The following HNRNPUL2 variants were observed in gnomAD, a reference collection of about 807,000 sequenced individuals.
The protein encoded by HNRNPUL2 is heterogeneous nuclear ribonucleoprotein U-like protein 2.
A neutral mutation model predicts 102.2 loss-of-function variants in HNRNPUL2; 27 were observed. That is an observed-to-expected ratio of 0.26 (90% CI 0.19 to 0.36). The LOEUF is 0.36. Ranked by LOEUF, HNRNPUL2 falls within the 10% of genes least tolerant of loss-of-function variation. The pLI, the probability that HNRNPUL2 is intolerant of heterozygous loss-of-function variation, is 1.00. For synonymous variants in HNRNPUL2, 458 were observed against 387.2 expected (o/e 1.18, Z -2.15); for missense variants, 936 against 981.1 (o/e 0.95, Z 0.61).
intron 8 of HNRNPUL2, 113 bp downstream of exon 8, chr11:62,721,707 T>C (rs1160043102): frequency 2.3e-6 from 3 of 1,276,994 alleles, no homozygotes; most frequent in Non-Finnish European, 3.3e-6. Flanking sequence ...AAAAATCTCA[T>C]TTCTCTATTT....
At chr11:62,722,945 C>A (rs368429184) in intron 4 of HNRNPUL2, 42 bp from the exon 5 acceptor site, 13 of 1,490,098 alleles carry the variant, frequency 8.7e-6, no homozygotes, top group East Asian at 2.3e-5. Flanking sequence ...TTGTGACCAA[C>A]TGAGTAGCAA....
rs535152997 is a variant in HNRNPUL2, at chr11:62,713,443, T to A, written c.*1856A>T. 1 of 152,320 alleles carries A rather than the reference T, an allele frequency of 6.6e-6. No homozygotes were observed. The highest frequency in any genetic ancestry group is 1.9e-4 in the East Asian group (1 of 5,190). 9.4% of individuals were successfully genotyped at this position (152,320 alleles called of 1,614,324 possible). On this transcript the variant is annotated 3_prime_UTR_variant, in exon 14 of 14. Transcript: ENST00000301785. Reference sequence around the variant, plus strand: ...AGTTAATGTGTTACAGAAAAATTCATGCAATCACTCCACTGCCACACAGAA... The same window carrying A: ...AGTTAATGTGTTACAGAAAAATTCAAGCAATCACTCCACTGCCACACAGAA...
chr11:62,719,245 T>G (rs1014492901), intron 10 of HNRNPUL2, among the ~76,000 whole-genome samples: 6 of 151,662 alleles, frequency 4.0e-5, no homozygotes, highest in African/African-American at 1.5e-4. Flanking sequence ...AAGTCAGGAG[T>G]TCCAAGACCA....
intron 11 of HNRNPUL2, 54 bp downstream of exon 11, chr11:62,716,935 A>G (rs926121841): frequency 2.5e-6 from 4 of 1,595,786 alleles, no homozygotes; most frequent in Non-Finnish European, 3.4e-6. Context: ...ATCTTGCTGT[A>G]CTAAGCACAA....
At chr11:62,716,869 A>G (rs2083664154) in intron 11 of HNRNPUL2, 120 bp downstream of exon 11, 2 of 882,096 alleles carry the variant, frequency 2.3e-6, no homozygotes, top group African/African-American at 1.7e-5. Context: ...CTCCATGAAG[A>G]AGGCACTTCC....
intron 1 of HNRNPUL2, among the ~76,000 whole-genome samples, chr11:62,725,664 AT>A (rs1331925420): frequency 6.6e-6 from 1 of 152,226 alleles, no homozygotes; most frequent in East Asian, 1.9e-4. Flanking sequence ...GCCTAAAAAT[AT>A]TACTAACAAA....
Position 62,723,943 on chromosome 11 carries a change from T to A in HNRNPUL2, c.722A>T (p.Glu241Val). Residue 241 changes from glutamate to valine, a missense_variant, in exon 3 of 14, where the codon GAG (glutamate) becomes GTG (valine). This residue lies in a region of HNRNPUL2 where 609 missense variants were observed against 713.0 expected (regional missense o/e 0.85). Coordinates refer to ENST00000301785, the MANE Select transcript of HNRNPUL2 (RefSeq NM_001079559.3). ...PPEEEAKDEE[E>V]DQTLVNLDTY... ...GTCCAGGTTCACAAGAGTTTGATCC[T>A]CCTCCTCATCTTTTGCCTCTTCTTC... 1.2e-6 allele frequency: 2 copies of A among 1,614,136 alleles called. No homozygotes were observed. The highest frequency in any genetic ancestry group is 1.7e-6 in the Non-Finnish European group (2 of 1,179,970).
Position 62,717,204 on chromosome 11 carries a change from G to A in HNRNPUL2, c.1781-15C>T, listed in dbSNP as rs1244325367. 3 of 1,607,422 alleles carry A rather than the reference G, an allele frequency of 1.9e-6. No individual in the cohort carries two copies. The highest frequency in any genetic ancestry group is 1.3e-5 in the African/African-American group (1 of 74,704). On this transcript the variant is annotated splice_polypyrimidine_tract_variant and intron_variant, in intron 10 of 13. Coordinates refer to ENST00000301785, the MANE Select transcript of HNRNPUL2 (RefSeq NM_001079559.3). ...AGAGAAGTTGGCTATAAGAGTAAGA[G>A]AGAAGCTTGTGGGCCTGAAAAGTGC...
Position 62,715,025 on chromosome 11 carries a change from T to G in HNRNPUL2, c.*274A>C. 2.6e-6 allele frequency: 1 copy of G among 389,476 alleles called. No homozygotes were observed. Among genetic ancestry groups the G allele is most frequent in the Non-Finnish European group, 4.7e-6 (1 of 213,498 alleles). 24.1% of individuals were successfully genotyped at this position (389,476 alleles called of 1,614,324 possible). ...TAAGTGCTGCTTTCTGCGCAAATGT[T>G]TTTTGATTACAAATCTCTAACTAGG... is the stretch of plus-strand genomic sequence containing the variant. On this transcript the variant is annotated 3_prime_UTR_variant, in exon 14 of 14. Transcript: ENST00000301785.
At position 62,727,334 on chromosome 11, in the gene HNRNPUL2, T is replaced by G. The variant is rs1310794407; in HGVS notation, c.-178A>C. 1.3e-6 allele frequency: 1 copy of G among 768,352 alleles called. No individual in the cohort carries two copies. The highest frequency in any genetic ancestry group is 1.7e-6 in the Non-Finnish European group (1 of 575,672). 47.6% of individuals were successfully genotyped at this position (768,352 alleles called of 1,614,324 possible). A position where few individuals can be genotyped will look rare whatever the true frequency, so the allele number is the denominator to read the frequency against. On this transcript the variant is annotated 5_prime_UTR_variant, in exon 1 of 14. Transcript: ENST00000301785. ...CCGCGCACGGTCCCGCTGCGCAGTG[T>G]TTGCTTCTCCTTCGTCTCCCCTCCC...
chr11:62,723,992 T>G lies in HNRNPUL2; in HGVS notation c.675-2A>C, dbSNP rs1433234600. 1 of 1,611,436 alleles carries G rather than the reference T, an allele frequency of 6.2e-7. No individual in the cohort carries two copies. The highest frequency in any genetic ancestry group is 1.3e-5 in the African/African-American group (1 of 74,982). ...TCAGGAGGCAGTGGAGACTTTGAGC[T>G]ATATATGTAAGATAGAAAAGAAACA... is the stretch of plus-strand genomic sequence containing the variant. On this transcript the variant is annotated splice_acceptor_variant, in intron 2 of 13. Coordinates refer to ENST00000301785, the MANE Select transcript of HNRNPUL2 (RefSeq NM_001079559.3). LOFTEE classifies it high-confidence loss of function.
intron 8 of HNRNPUL2, 141 bp from the exon 9 acceptor site, chr11:62,721,564 G>C (rs1354467247): frequency 2.2e-5 from 20 of 890,754 alleles, no homozygotes; most frequent in Non-Finnish European, 3.4e-5. Context: ...TCAGTGCTGT[G>C]AATGTTGTCC....
At position 62,713,922 on chromosome 11, in the gene HNRNPUL2, T is replaced by A. The variant is rs2083638171; in HGVS notation, c.*1377A>T. 6.6e-6 allele frequency: 1 copy of A among 152,186 alleles called. No homozygotes were observed. 9.4% of individuals were successfully genotyped at this position (152,186 alleles called of 1,614,324 possible). The stretch of plus-strand genomic sequence containing the variant: ...GAACCCAGCAACCTACAGCTGTCTA[T>A]CAAGAACTGGGAGGGTATTGGTAAA... On this transcript the variant is annotated 3_prime_UTR_variant, in exon 14 of 14. Coordinates refer to ENST00000301785, the MANE Select transcript of HNRNPUL2 (RefSeq NM_001079559.3).
intron 9 of HNRNPUL2, 113 bp downstream of exon 9, chr11:62,721,182 C>A: frequency 1.0e-6 from 1 of 1,001,582 alleles, no homozygotes. Flanking sequence ...ACATTGCAAC[C>A]ATAACACACA....
In HNRNPUL2 at chr11:62,715,113, T is replaced by A; in HGVS notation, c.*186A>T. ...AACAAACTTTAAAAAAAATGTACAG[T>A]TTTGTTGTTTGTTTCCACCTCCCCC... is the stretch of plus-strand genomic sequence containing the variant. On this transcript the variant is annotated 3_prime_UTR_variant, in exon 14 of 14. Coordinates refer to ENST00000301785, the MANE Select transcript of HNRNPUL2 (RefSeq NM_001079559.3). 3 of 545,254 alleles carry A rather than the reference T, an allele frequency of 5.5e-6. No homozygotes were observed. The highest frequency in any genetic ancestry group is 5.0e-5 in the South Asian group (2 of 40,070). The allele number at this position is 545,254 out of a possible 1,614,324, so 33.8% of individuals were successfully genotyped here. A position where few individuals can be genotyped will look rare whatever the true frequency, so the allele number is the denominator to read the frequency against.
At position 62,722,296 on chromosome 11, in the gene HNRNPUL2, G is replaced by C. The variant is rs557571395; in HGVS notation, c.1180C>G (p.Leu394Val). Residue 394 changes from leucine (L) to valine (V), a missense_variant, in exon 7 of 14, where the codon CTG becomes GTG. By Grantham distance (32) the Leu-to-Val change is conservative (BLOSUM62 1). This residue lies in a region of HNRNPUL2 where 609 missense variants were observed against 713.0 expected (regional missense o/e 0.85). Transcript: ENST00000301785. ...GVAFWISKDS[L>V]ADRALLPHVL... The stretch of plus-strand genomic sequence containing the variant: ...TGGGGTAGAAGGGCCCGGTCTGCCA[G>C]GGAATCCTTGCTGATCCAGAATGCC... 18 of 1,614,148 alleles carry C rather than the reference G, an allele frequency of 1.1e-5. No individual in the cohort carries two copies. The East Asian group carries it at 3.8e-4, about 34-fold the overall frequency.
At chr11:62,718,045 G>C (rs893061458) in intron 10 of HNRNPUL2, among the ~76,000 whole-genome samples, 1 of 152,108 alleles carries the variant, frequency 6.6e-6, no homozygotes, top group African/African-American at 2.4e-5. Context: ...GAGTGCCTAA[G>C]TAAGAGTTAT....
In HNRNPUL2 at chr11:62,726,932, C is replaced by T; in HGVS notation, c.225G>A (p.Glu75=). ...AASGGGPGGD[E]EEDEEEEEED... ...CCTCCTCCTCCTCTTCGTCCTCCTCCTCGTCCCCGCCCGGGCCGCCGCCCG... is the reference window on the plus strand; with the variant it reads ...CCTCCTCCTCCTCTTCGTCCTCCTCTTCGTCCCCGCCCGGGCCGCCGCCCG... The change falls in exon 1 of 14, where the codon GAG becomes GAA. Residue 75 remains glutamate, a synonymous_variant. Transcript: ENST00000301785. The T allele has an allele frequency of 6.6e-7, 1 of 1,504,944 alleles. No homozygotes were observed. The highest frequency in any genetic ancestry group is 8.8e-7 in the Non-Finnish European group (1 of 1,135,538). The allele number at this position is 1,504,944 out of a possible 1,614,324, so 93.2% of individuals were successfully genotyped here.
chr11:62,727,429 G>A lies in HNRNPUL2; in HGVS notation c.-273C>T. ...TCCCCTCCAGGCCCTTGGTTCCCCA[G>A]CCGCGGGCAGGCGCGCGCGGAGGAC... On this transcript the variant is annotated 5_prime_UTR_variant, in exon 1 of 14. Transcript: ENST00000301785. 3.1e-6 allele frequency: 1 copy of A among 321,202 alleles called. No homozygotes were observed. Among genetic ancestry groups the A allele is most frequent in the Non-Finnish European group, 5.4e-6 (1 of 185,758 alleles). The allele number at this position is 321,202 out of a possible 1,614,324, so 19.9% of individuals were successfully genotyped here. A position where few individuals can be genotyped will look rare whatever the true frequency, so the allele number is the denominator to read the frequency against.
Sources: allele counts gnomAD v4.1 joint callset (sites outside exome capture counted in the v4.1 genomes callset), GRCh38; gene constraint gnomAD v4.1.1; regional missense constraint gnomAD v4.1.1; transcripts MANE v1.5; gene names NCBI Gene and HGNC (gene_info 2026-07-23, HGNC 2026-07-21).